The following SLC24A3 variants were observed in gnomAD, a reference collection of about 807,000 sequenced individuals.
SLC24A3 encodes the protein sodium/potassium/calcium exchanger 3.
Under a neutral mutation model 75.8 loss-of-function variants are expected in SLC24A3, and 28 were observed. The ratio of observed to expected loss-of-function variants is 0.37; its 90% CI spans 0.27 to 0.51. The LOEUF (loss-of-function observed/expected upper bound fraction) is 0.51. Among genes scored for constraint, SLC24A3 ranks in the 20% least tolerant of loss-of-function variants. The pLI, the probability that SLC24A3 is intolerant of heterozygous loss-of-function variation, is 0.94. For synonymous variants in SLC24A3, 372 were observed against 334.1 expected, an observed-to-expected ratio of 1.11 and a Z score of -1.24; for missense variants, 663 against 847.8, an observed-to-expected ratio of 0.78 and a Z score of 2.71.
chr20:19,441,058 G>A (rs1987290473), intron 2 of SLC24A3, among the ~76,000 whole-genome samples: 1 of 152,180 alleles, frequency 6.6e-6, no homozygotes, highest in Non-Finnish European at 1.5e-5. Flanking sequence ...TTTCAGACAA[G>A]ATTGTGCACC....
At chr20:19,533,837 T>C (rs1314860766) in intron 3 of SLC24A3, among the ~76,000 whole-genome samples, 5 of 152,102 alleles carry the variant, frequency 3.3e-5, no homozygotes, top group African/African-American at 9.7e-5. Flanking sequence ...TAAGATGGAG[T>C]AGATGAAGAC....
intron 3 of SLC24A3, among the ~76,000 whole-genome samples, chr20:19,557,756 C>T (rs759321921): frequency 5.9e-5 from 9 of 152,164 alleles, no homozygotes; most frequent in African/African-American, 9.7e-5. Flanking sequence ...TTGGGTGTGA[C>T]AAATCTGTTC....
chr20:19,366,880 C>T (rs1157247138), intron 2 of SLC24A3, among the ~76,000 whole-genome samples: 1 of 152,166 alleles, frequency 6.6e-6, no homozygotes, highest in Non-Finnish European at 1.5e-5. Flanking sequence ...GCATACCCTG[C>T]ACCTGACCAC....
intron 2 of SLC24A3, among the ~76,000 whole-genome samples, chr20:19,506,729 T>A (rs1404842488): frequency 2.0e-5 from 3 of 151,580 alleles, no homozygotes; most frequent in Admixed American, 6.6e-5. Flanking sequence ...AGAGTCCCCT[T>A]GCTCCCAAGC....
chr20:19,696,137 C>A (rs2032803561), intron 13 of SLC24A3, among the ~76,000 whole-genome samples: 1 of 150,650 alleles, frequency 6.6e-6, no homozygotes, highest in African/African-American at 2.4e-5. Context: ...CCTGCCTCAG[C>A]CTCTCAAGGA....
chr20:19,406,921 G>A (rs1189513907), intron 2 of SLC24A3, among the ~76,000 whole-genome samples: 1 of 152,182 alleles, frequency 6.6e-6, no homozygotes, highest in Non-Finnish European at 1.5e-5. Context: ...GTGAAGGGAG[G>A]GGTCCAGTAA....
chr20:19,450,321 G>A (rs1193498597), intron 2 of SLC24A3, among the ~76,000 whole-genome samples: 1 of 152,140 alleles, frequency 6.6e-6, no homozygotes, highest in Non-Finnish European at 1.5e-5. Flanking sequence ...TTGCATCCCT[G>A]GCACTTGTTA....
intron 3 of SLC24A3, among the ~76,000 whole-genome samples, chr20:19,577,409 T>C (rs2031155549): frequency 6.6e-6 from 1 of 152,178 alleles, no homozygotes; most frequent in Non-Finnish European, 1.5e-5. Context: ...AGATTATGAA[T>C]AGATCTATCA....
chr20:19,454,827 A>G (rs1987550993), intron 2 of SLC24A3, among the ~76,000 whole-genome samples: 2 of 152,172 alleles, frequency 1.3e-5, no homozygotes, highest in Non-Finnish European at 2.9e-5. Context: ...TAAGTGCAGG[A>G]AGGGTGAACT....
chr20:19,503,083 G>A (rs1988411319), intron 2 of SLC24A3, among the ~76,000 whole-genome samples: 1 of 149,306 alleles, frequency 6.7e-6, no homozygotes, highest in African/African-American at 2.5e-5. Context: ...AAATTCTCTT[G>A]CTTTGATCTT....
At chr20:19,339,274 AT>A (rs1282678853) in intron 2 of SLC24A3, among the ~76,000 whole-genome samples, 1 of 151,650 alleles carries the variant, frequency 6.6e-6, no homozygotes, top group Non-Finnish European at 1.5e-5. Context: ...GAGGGCAGTT[AT>A]TTTTTAGGTA....
At chr20:19,328,089 G>A (rs1387765451) in intron 2 of SLC24A3, among the ~76,000 whole-genome samples, 2 of 152,168 alleles carry the variant, frequency 1.3e-5, no homozygotes, top group Non-Finnish European at 2.9e-5. Flanking sequence ...CTGAAGGAGG[G>A]AGGGAGGGAG....
intron 1 of SLC24A3, among the ~76,000 whole-genome samples, chr20:19,262,823 T>C (rs889509991): frequency 2.0e-5 from 3 of 152,210 alleles, no homozygotes; most frequent in Non-Finnish European, 4.4e-5. Context: ...AATACAGCTC[T>C]AACTTCAGCA....
chr20:19,423,574 T>A (rs1986952151), intron 2 of SLC24A3, among the ~76,000 whole-genome samples: 1 of 152,168 alleles, frequency 6.6e-6, no homozygotes, highest in Admixed American at 6.5e-5. Context: ...TCTGTTTTGG[T>A]ATAGGCACCG....
Position 19,696,854 on chromosome 20 carries a change from C to T in SLC24A3, c.1549C>T (p.Leu517=). The change falls in exon 14 of 17, where the codon CTG becomes TTG. Residue 517 remains leucine (L), a synonymous_variant. Transcript: ENST00000328041. ...TGACGTCATCATGGGGATCACCTTC[C>T]TGGCTGCTGGGACCAGCGTGCCTGA... The part of the protein sequence containing the change: ...IPDVIMGITF[L]AAGTSVPDCM... 6.2e-7 allele frequency: 1 copy of T among 1,614,002 alleles called. No homozygotes were observed. Among genetic ancestry groups the T allele is most frequent in the Non-Finnish European group, 8.5e-7 (1 of 1,179,988 alleles).
chr20:19,352,423 G>A (rs749097483), intron 2 of SLC24A3, among the ~76,000 whole-genome samples: 11 of 152,178 alleles, frequency 7.2e-5, no homozygotes, highest in Non-Finnish European at 1.3e-4. Context: ...CTTGGCTCAC[G>A]ACAAAGGAAA....
intron 3 of SLC24A3, among the ~76,000 whole-genome samples, chr20:19,541,006 A>G (rs1600272668): frequency 6.6e-6 from 1 of 152,214 alleles, no homozygotes; most frequent in East Asian, 1.9e-4. Flanking sequence ...CCGCACAACA[A>G]TCCTTGGTGG....
intron 2 of SLC24A3, among the ~76,000 whole-genome samples, chr20:19,423,309 G>A (rs954610793): frequency 1.3e-5 from 2 of 152,198 alleles, no homozygotes; most frequent in African/African-American, 4.8e-5. Flanking sequence ...CTGCTTTCCC[G>A]CTCAGCCCCA....
rs1453271892 is a variant in SLC24A3, at chr20:19,698,656, C to G, written c.1695C>G (p.Thr565=). The part of the protein sequence containing the change: ...IGLGLPWALQ[T]LAVDYGSYIR... ...TCGGTCTCCCCTGGGCTCTGCAGAC[C>G]CTGGCTGTGGATTACGGATCCTACG... Residue 565 remains threonine, a synonymous_variant, in exon 15 of 17, where the codon ACC becomes ACG. Coordinates refer to ENST00000328041, the MANE Select transcript of SLC24A3 (RefSeq NM_020689.4). 6.3e-7 allele frequency: 1 copy of G among 1,588,880 alleles called. No individual in the cohort carries two copies. The highest frequency in any genetic ancestry group is 8.6e-7 in the Non-Finnish European group (1 of 1,165,476).
Sources: allele counts gnomAD v4.1 joint callset (sites outside exome capture counted in the v4.1 genomes callset), GRCh38; gene constraint gnomAD v4.1.1; transcripts MANE v1.5; gene names NCBI Gene and HGNC (gene_info 2026-07-23, HGNC 2026-07-21).